Variants in RBFOX3 observed in about 807,000 individuals in gnomAD.
The protein encoded by RBFOX3 is RNA binding protein fox-1 homolog 3.
Under a neutral mutation model 48.7 loss-of-function variants are expected in RBFOX3, and 17 were observed. The ratio of observed to expected loss-of-function variants is 0.35; its 90% CI spans 0.24 to 0.52. The LOEUF is 0.52. Among genes scored for constraint, RBFOX3 ranks in the 20% least tolerant of loss-of-function variants. The pLI is 0.94. For missense variants in RBFOX3, 382 were observed against 497.5 expected (o/e 0.77, Z 2.21); for synonymous variants, 212 against 209.5 (o/e 1.01, Z -0.10).
intron 3 of RBFOX3, among the ~76,000 whole-genome samples, chr17:79,270,040 T>C (rs1049149075): frequency 6.6e-6 from 1 of 152,044 alleles, no homozygotes; most frequent in Non-Finnish European, 1.5e-5. Context: ...CCTCTCCCCC[T>C]CTGCGAATCA....
intron 2 of RBFOX3, among the ~76,000 whole-genome samples, chr17:79,393,757 A>T (rs908721054): frequency 6.8e-6 from 1 of 147,792 alleles, no homozygotes; most frequent in Non-Finnish European, 1.5e-5. Flanking sequence ...CACGCACATC[A>T]GAGCTGGTCA....
intron 1 of RBFOX3, among the ~76,000 whole-genome samples, chr17:79,567,302 GCCTC>G (rs1373337762): frequency 2.7e-5 from 4 of 150,358 alleles, no homozygotes; most frequent in Non-Finnish European, 2.9e-5. Flanking sequence ...TCCTGAGTCA[GCCTC>G]CCTAGTAGCT....
At chr17:79,411,211 C>A (rs1424688396) in intron 2 of RBFOX3, among the ~76,000 whole-genome samples, 4 of 152,198 alleles carry the variant, frequency 2.6e-5, no homozygotes, top group Non-Finnish European at 4.4e-5. Flanking sequence ...CTTGCCTGCG[C>A]CCTGCTTTCT....
intron 1 of RBFOX3, among the ~76,000 whole-genome samples, chr17:79,513,189 CA>C (rs1599008197): frequency 3.6e-4 from 55 of 151,650 alleles, no homozygotes; most frequent in African/African-American, 1.1e-3. Context: ...ATGTTACCAT[CA>C]GGTACAGCCC....
At chr17:79,529,013 C>T (rs1257438680) in intron 1 of RBFOX3, among the ~76,000 whole-genome samples, 1 of 152,224 alleles carries the variant, frequency 6.6e-6, no homozygotes, top group Non-Finnish European at 1.5e-5. Context: ...TCCCACATAA[C>T]AGCACAGCAG....
rs1296778299 is a variant in RBFOX3 at position 79,305,210 on chromosome 17, C to T, written c.-74+2514G>A. On this transcript the variant is annotated intron_variant, in intron 3 of 14. Coordinates refer to ENST00000693108, the MANE Select transcript of RBFOX3 (RefSeq NM_001350451.2). ...GTTGAAGCAGAGCCACTAAAGGGTT[C>T]TTGCCTGTGTGGGGGGGAAAGGGAG... Among the ~76,000 whole-genome samples the T allele has an allele frequency of 2.0e-5, 3 of 151,970 alleles. No homozygotes were observed. In the East Asian group the frequency reaches 5.8e-4, roughly 29 times the overall value.
chr17:79,272,595 G>T (rs541623340), intron 3 of RBFOX3, among the ~76,000 whole-genome samples: 2 of 152,170 alleles, frequency 1.3e-5, no homozygotes, highest in East Asian at 1.9e-4. Context: ...TCCTGAGGAG[G>T]GGGTAGGGGG....
chr17:79,648,291 T>C, the RBFOX3 span, among the ~76,000 whole-genome samples: 1 of 152,024 alleles, frequency 6.6e-6, no homozygotes, highest in South Asian at 2.1e-4. Flanking sequence ...GCAGATGACG[T>C]GGGTAATGGA....
At chr17:79,588,321 T>TTCTC (rs1326948543) in intron 1 of RBFOX3, among the ~76,000 whole-genome samples, 1 of 152,170 alleles carries the variant, frequency 6.6e-6, no homozygotes, top group African/African-American at 2.4e-5. Context: ...ACTGATCTTA[T>TTCTC]TCTCCCCCGG....
intron 3 of RBFOX3, among the ~76,000 whole-genome samples, chr17:79,238,423 G>A (rs2061900535): frequency 6.6e-6 from 1 of 152,254 alleles, no homozygotes; most frequent in African/African-American, 2.4e-5. Flanking sequence ...CCCATGGGCT[G>A]AGAAGGTGAA....
At chr17:79,533,364 G>T (rs191181953) in intron 1 of RBFOX3, among the ~76,000 whole-genome samples, 4 of 152,358 alleles carry the variant, frequency 2.6e-5, no homozygotes, top group Non-Finnish European at 5.9e-5. Context: ...GCAGAACAGA[G>T]GAATAGTGAC....
chr17:79,531,503 G>A (rs1193116650), intron 1 of RBFOX3, among the ~76,000 whole-genome samples: 3 of 152,178 alleles, frequency 2.0e-5, no homozygotes, highest in Non-Finnish European at 4.4e-5. Flanking sequence ...GTATTCATCT[G>A]AGTGCACGGG....
intron 1 of RBFOX3, among the ~76,000 whole-genome samples, chr17:79,579,265 ACGGGTGCTGGCTCTGCTGC>A (rs1250975898): frequency 0.057 from 8,730 of 152,104 alleles, 361 homozygotes; most frequent in Admixed American, 0.096. Context: ...TGCGGTTGAC[ACGGGTGCTGGCTCTGCTGC>A]CGGGTGCTGG....
rs570550948 is a variant in RBFOX3 at position 79,487,010 on chromosome 17, T to C, written c.-319-4412A>G. On this transcript the variant is annotated intron_variant, in intron 1 of 14. Coordinates refer to ENST00000693108, the MANE Select transcript of RBFOX3 (RefSeq NM_001350451.2). ...AGAAAAACAAACATCTGGACTGCTA[T>C]AAAGTGTCCTCTATCAAAAAATAAG... Among the ~76,000 whole-genome samples the C allele has an allele frequency of 3.8e-4, 58 of 152,294 alleles. No individual in the cohort carries two copies. The South Asian group carries it at 0.011, about 28-fold the overall frequency.
rs541497632 is a variant in RBFOX3 at position 79,301,483 on chromosome 17, C to T, written c.-74+6241G>A. On this transcript the variant is annotated intron_variant, in intron 3 of 14. Transcript: ENST00000693108. ...CCAAACATTCTGGCGCTCAGAGTCGCCCTGACAAGGCTCCGGCCCTGCTCA... is the reference window on the plus strand; with the variant it reads ...CCAAACATTCTGGCGCTCAGAGTCGTCCTGACAAGGCTCCGGCCCTGCTCA... Among the ~76,000 whole-genome samples, 276 of 152,352 alleles carry T rather than the reference C, an allele frequency of 1.8e-3. 1 individual carries two copies. Among genetic ancestry groups the T allele is most frequent in the Non-Finnish European group, 3.0e-3 (207 of 68,028 alleles).
chr17:79,640,382 C>T, the RBFOX3 span, among the ~76,000 whole-genome samples: 5 of 152,134 alleles, frequency 3.3e-5, no homozygotes, highest in Non-Finnish European at 2.9e-5. Context: ...ATACCACCTA[C>T]CACGCAAAGT....
intron 1 of RBFOX3, chr17:79,599,108 G>A (rs2093640981): frequency 6.6e-6 from 1 of 152,192 alleles, no homozygotes; most frequent in Non-Finnish European, 1.5e-5. Context: ...AGATCCACCA[G>A]GATCCCAAAT....
At chr17:79,469,164 C>G (rs1555755505) in intron 2 of RBFOX3, among the ~76,000 whole-genome samples, 1 of 152,106 alleles carries the variant, frequency 6.6e-6, no homozygotes, top group Non-Finnish European at 1.5e-5. Flanking sequence ...TATATTTTCC[C>G]CTACACCTTC....
chr17:79,117,627 C>T (rs2034448758), intron 4 of RBFOX3, among the ~76,000 whole-genome samples: 2 of 152,224 alleles, frequency 1.3e-5, no homozygotes, highest in South Asian at 4.1e-4. Flanking sequence ...TGTGCCCATG[C>T]TCCCTGCACA....
Sources: gnomAD v4.1 joint callset for allele counts (sites outside exome capture counted in the v4.1 genomes callset) on GRCh38, gnomAD v4.1.1 for gene constraint, MANE v1.5 for transcripts, NCBI Gene and HGNC (gene_info 2026-07-23, HGNC 2026-07-21) for gene names.